GRIA1: variants seen among roughly 807,000 people sequenced by gnomAD.
The protein encoded by GRIA1 is glutamate ionotropic receptor AMPA type subunit 1.
GRIA1 carries 31 observed loss-of-function variants against 99.2 expected under a neutral mutation model. That is an observed-to-expected ratio of 0.31 (90% CI 0.23 to 0.42). The LOEUF (loss-of-function observed/expected upper bound fraction) is 0.42, where lower values mean the gene tolerates loss of function less well. Ranked by LOEUF, GRIA1 falls within the 10% of genes least tolerant of loss-of-function variation. The pLI, the probability that GRIA1 is intolerant of heterozygous loss-of-function variation, is 1.00. For missense variants in GRIA1, 782 were observed against 1,157.5 expected, an observed-to-expected ratio of 0.68 and a Z score of 4.71; for synonymous variants, 438 against 432.4, an observed-to-expected ratio of 1.01 and a Z score of -0.16.
At chr5:153,787,001 G>A (rs1765005901) in intron 13 of GRIA1, among the ~76,000 whole-genome samples, 1 of 152,192 alleles carries the variant, frequency 6.6e-6, no homozygotes, top group South Asian at 2.1e-4. Flanking sequence ...TGAAACTCAA[G>A]GTTTCGAAGG....
chr5:153,529,276 G>A (rs1757885732), intron 2 of GRIA1, among the ~76,000 whole-genome samples: 1 of 152,126 alleles, frequency 6.6e-6, no homozygotes, highest in African/African-American at 2.4e-5. Flanking sequence ...GGGCCAGGAG[G>A]TCAGAACTTA....
chr5:153,524,827 C>T (rs1260739474), intron 2 of GRIA1, among the ~76,000 whole-genome samples: 3 of 152,140 alleles, frequency 2.0e-5, no homozygotes, highest in Non-Finnish European at 2.9e-5. Flanking sequence ...CTCCAGTGAA[C>T]CTGTAATATA....
At chr5:153,609,471 A>G (rs531805585) in intron 2 of GRIA1, among the ~76,000 whole-genome samples, 1 of 152,096 alleles carries the variant, frequency 6.6e-6, no homozygotes, top group African/African-American at 2.4e-5. Flanking sequence ...CATATGAGGA[A>G]TACATTCTCC....
intron 2 of GRIA1, among the ~76,000 whole-genome samples, chr5:153,600,914 A>G (rs1404460753): frequency 1.3e-5 from 2 of 152,164 alleles, no homozygotes; most frequent in Non-Finnish European, 2.9e-5. Flanking sequence ...TCCCACCTGG[A>G]GCATCCTAGC....
intron 2 of GRIA1, among the ~76,000 whole-genome samples, chr5:153,593,609 A>G (rs1002064340): frequency 1.3e-5 from 2 of 152,084 alleles, no homozygotes; most frequent in African/African-American, 4.8e-5. Flanking sequence ...TTTATTCTGC[A>G]TATTTTATCA....
Position 153,811,303 on chromosome 5 carries a change from A to C in GRIA1, c.*78A>C. ...CCCAAACCCTTCAGTGCCAAAAACA[A>C]CAACAAAATGAAACGCAACCACCAC... is the stretch of plus-strand genomic sequence containing the variant. On this transcript the variant is annotated 3_prime_UTR_variant, in exon 16 of 16. Coordinates refer to ENST00000285900, the MANE Select transcript of GRIA1 (RefSeq NM_000827.4). 2 of 1,011,594 alleles carry C rather than the reference A, an allele frequency of 2.0e-6. No individual in the cohort carries two copies. The highest frequency in any genetic ancestry group is 3.9e-5 in the Admixed American group (2 of 50,712). The allele number at this position is 1,011,594 out of a possible 1,614,324, so 62.7% of individuals were successfully genotyped here.
chr5:153,542,795 G>A (rs2113498490), intron 2 of GRIA1, among the ~76,000 whole-genome samples: 1 of 152,014 alleles, frequency 6.6e-6, no homozygotes, highest in Middle Eastern at 3.4e-3. Context: ...TGGCCAGGTG[G>A]CCCTCCTATG....
In GRIA1 at chr5:153,729,735, C is replaced by G. The variant is rs558836166; in HGVS notation, c.1823+23668C>G. Among the ~76,000 whole-genome samples, 12 of 152,226 alleles carry G rather than the reference C, an allele frequency of 7.9e-5. No homozygotes were observed. The South Asian group carries it at 1.0e-3, about 13-fold the overall frequency. On this transcript the variant is annotated intron_variant, in intron 11 of 15. Coordinates refer to ENST00000285900, the MANE Select transcript of GRIA1 (RefSeq NM_000827.4). ...TGTTGCATCAAGACAAAAACCCCCA[C>G]ACTCAATAAATCAAAACTGTACCAG...
intron 13 of GRIA1, among the ~76,000 whole-genome samples, chr5:153,776,758 A>G (rs1764279934): frequency 6.6e-6 from 1 of 152,194 alleles, no homozygotes; most frequent in Non-Finnish European, 1.5e-5. Context: ...GGTTAAGGCT[A>G]TGAGTCGGGA....
rs538944511 is a variant in GRIA1, at chr5:153,723,623, A to C, written c.1823+17556A>C. On this transcript the variant is annotated intron_variant, in intron 11 of 15. Coordinates refer to ENST00000285900, the MANE Select transcript of GRIA1 (RefSeq NM_000827.4). ...ACCTGGCTCGGAGGGTCCTACCCCC[A>C]CGGAGTCTCGCTGATTGCTAGCACA... 7.9e-5 allele frequency among the ~76,000 whole-genome samples: 12 copies of C among 152,288 alleles called. No homozygotes were observed. In the South Asian group the frequency reaches 2.3e-3, roughly 29 times the overall value.
At chr5:153,693,522 G>T (rs10515699) in intron 8 of GRIA1, among the ~76,000 whole-genome samples, 14,267 of 152,208 alleles carry the variant, frequency 0.094, 823 homozygotes, top group Non-Finnish European at 0.12. Context: ...AATTTGATTT[G>T]ATGACTGTGC....
At chr5:153,792,780 CAGAG>C (rs1415649592) in intron 13 of GRIA1, among the ~76,000 whole-genome samples, 2 of 151,912 alleles carry the variant, frequency 1.3e-5, no homozygotes, top group South Asian at 2.1e-4. Context: ...GAAGAAGAAA[CAGAG>C]AGAGAAAGAC....
chr5:153,745,110 T>G (rs191856081), intron 11 of GRIA1, among the ~76,000 whole-genome samples: 28 of 152,350 alleles, frequency 1.8e-4, no homozygotes, highest in African/African-American at 6.0e-4. Context: ...ACCTTTGCTC[T>G]TCCTGTTTCC....
chr5:153,625,300 G>C (rs1351125138), intron 2 of GRIA1, among the ~76,000 whole-genome samples: 1 of 152,150 alleles, frequency 6.6e-6, no homozygotes, highest in Non-Finnish European at 1.5e-5. Flanking sequence ...TTTGGGCAAG[G>C]CTCTTTCCTG....
intron 5 of GRIA1, among the ~76,000 whole-genome samples, chr5:153,670,584 GTAGTATTTTTATA>G (rs1482412097): frequency 7.9e-5 from 12 of 151,982 alleles, no homozygotes; most frequent in Non-Finnish European, 1.6e-4. Context: ...AATTAGCAAT[GTAGTATTTTTATA>G]TAATACTATA....
At chr5:153,773,537 G>C (rs758958695) in intron 13 of GRIA1, among the ~76,000 whole-genome samples, 9 of 152,210 alleles carry the variant, frequency 5.9e-5, no homozygotes, top group Non-Finnish European at 1.2e-4. Context: ...CCTTTGAGGA[G>C]TAACCCTGCT....
At chr5:153,496,173 A>G (rs146745733) in intron 2 of GRIA1, among the ~76,000 whole-genome samples, 2 of 152,314 alleles carry the variant, frequency 1.3e-5, no homozygotes, top group African/African-American at 4.8e-5. Flanking sequence ...TATCTCAGCA[A>G]CCTAAGACTT....
chr5:153,793,192 A>G (rs1240654366), intron 13 of GRIA1, among the ~76,000 whole-genome samples: 7 of 152,182 alleles, frequency 4.6e-5, no homozygotes, highest in Non-Finnish European at 1.0e-4. Flanking sequence ...AAACAATGAA[A>G]ATAAAAATGT....
chr5:153,668,012 T>C (rs980311795), intron 5 of GRIA1, among the ~76,000 whole-genome samples: 1 of 152,222 alleles, frequency 6.6e-6, no homozygotes, highest in Non-Finnish European at 1.5e-5. Flanking sequence ...AACATTGTGT[T>C]ACCTCCTACA....
Sources: gnomAD v4.1 joint callset for allele counts (sites outside exome capture counted in the v4.1 genomes callset) on GRCh38, gnomAD v4.1.1 for gene constraint, MANE v1.5 for transcripts, NCBI Gene and HGNC (gene_info 2026-07-23, HGNC 2026-07-21) for gene names.